Variants in SLC45A4 observed in about 807,000 individuals in gnomAD.
SLC45A4 encodes solute carrier family 45 member 4.
In SLC45A4, 32 loss-of-function variants were observed where a neutral mutation model predicts 63.7. The observed-to-expected ratio is 0.50, with a 90% CI of 0.38 to 0.67. The LOEUF (loss-of-function observed/expected upper bound fraction) is 0.67. SLC45A4 is among the 30% of genes least tolerant of loss of function. The pLI is 0.00. For missense variants in SLC45A4, 1,027 were observed against 1,157.7 expected, an observed-to-expected ratio of 0.89 and a Z score of 1.64; for synonymous variants, 535 against 510.0, an observed-to-expected ratio of 1.05 and a Z score of -0.66.
intron 1 of SLC45A4, among the ~76,000 whole-genome samples, chr8:141,260,842 A>G (rs1304963454): frequency 6.6e-6 from 1 of 152,244 alleles, no homozygotes; most frequent in Non-Finnish European, 1.5e-5. Flanking sequence ...TCCAATCAAT[A>G]GAAAAAGAGG....
chr8:141,277,541 A>G (rs1224701007), intron 1 of SLC45A4, among the ~76,000 whole-genome samples: 1 of 152,138 alleles, frequency 6.6e-6, no homozygotes, highest in Non-Finnish European at 1.5e-5. Context: ...TAAAATCAAC[A>G]TGATTCACGT....
intron 2 of SLC45A4, among the ~76,000 whole-genome samples, chr8:141,232,316 CA>C (rs1317105819): frequency 6.6e-6 from 1 of 152,226 alleles, no homozygotes; most frequent in African/African-American, 2.4e-5. Flanking sequence ...AAGATGACAG[CA>C]AATGTCCCCT....
At chr8:141,214,508 A>T (rs1826021007) in intron 7 of SLC45A4, among the ~76,000 whole-genome samples, 1 of 152,232 alleles carries the variant, frequency 6.6e-6, no homozygotes, top group South Asian at 2.1e-4. Flanking sequence ...AGGGATAGGA[A>T]GTTCCATACT....
In SLC45A4 at chr8:141,229,037, C is replaced by A. The variant is rs1827196644; in HGVS notation, c.242-7272G>T. ...CCGTACACTTGTCTCCCCATCGGCT[C>A]CTCCCGCCCATGGGACCTTCGAAGA... On this transcript the variant is annotated intron_variant, in intron 2 of 8. Transcript: ENST00000517878. This position sits in a 1 kb window ranked among gnomAD's most constrained non-coding sequence, Gnocchi z 5.0. Among the ~76,000 whole-genome samples, 1 of 152,166 alleles carries A rather than the reference C, an allele frequency of 6.6e-6. No individual in the cohort carries two copies. Among genetic ancestry groups the A allele is most frequent in the Admixed American group, 6.5e-5 (1 of 15,284 alleles).
chr8:141,251,005 GA>G (rs988911367), intron 2 of SLC45A4, among the ~76,000 whole-genome samples: 1 of 152,186 alleles, frequency 6.6e-6, no homozygotes, highest in African/African-American at 2.4e-5. Flanking sequence ...CTGCCATAGA[GA>G]AAATTAGGGA....
chr8:141,230,849 T>C (rs566179868), intron 2 of SLC45A4, among the ~76,000 whole-genome samples: 2 of 152,218 alleles, frequency 1.3e-5, no homozygotes, highest in African/African-American at 2.4e-5. Context: ...GCCAGCCAAA[T>C]TGGGAACGTG....
chr8:141,254,123 C>CA lies in SLC45A4; in HGVS notation c.106dup (p.Cys36LeufsTer75). On this transcript the variant is annotated frameshift_variant, in exon 2 of 9. Coordinates refer to ENST00000517878, the MANE Select transcript of SLC45A4 (RefSeq NM_001286646.2). LOFTEE classifies it high-confidence loss of function. The surrounding 1 kb of genome is among the most constrained non-coding windows in gnomAD (Gnocchi z 4.5). ...TATGGACCCCTCGCTGATGGTCTCG[C>CA]AGTTCTCGGCCTCTGCGCCTCCGGC... 1 of 1,536,208 alleles carries CA rather than the reference C, an allele frequency of 6.5e-7. No homozygotes were observed. The highest frequency in any genetic ancestry group is 8.7e-7 in the Non-Finnish European group (1 of 1,146,926).
At chr8:141,302,863 C>T (rs1338390688) in intron 1 of SLC45A4, among the ~76,000 whole-genome samples, 1 of 152,150 alleles carries the variant, frequency 6.6e-6, no homozygotes, top group African/African-American at 2.4e-5. Flanking sequence ...ATATTCCCTT[C>T]CCATATACAC....
At chr8:141,213,742 G>A (rs142678165) in intron 7 of SLC45A4, among the ~76,000 whole-genome samples, 1,807 of 152,334 alleles carry the variant, frequency 0.012, 22 homozygotes, top group Non-Finnish European at 0.021. Context: ...GACGCCGAAA[G>A]TTCTTTGAAA....
intron 2 of SLC45A4, among the ~76,000 whole-genome samples, chr8:141,246,890 G>A (rs1321073219): frequency 2.0e-5 from 3 of 152,210 alleles, no homozygotes; most frequent in Non-Finnish European, 4.4e-5. Flanking sequence ...TGAGGCAGGA[G>A]GATTGCTTGA....
chr8:141,268,606 C>T (rs955422741), intron 1 of SLC45A4, among the ~76,000 whole-genome samples: 39 of 152,172 alleles, frequency 2.6e-4, no homozygotes, highest in African/African-American at 9.4e-4. Flanking sequence ...TAAAACTGCT[C>T]TAGAAAGTAG....
chr8:141,234,105 G>A (rs1827500136), intron 2 of SLC45A4, among the ~76,000 whole-genome samples: 1 of 152,258 alleles, frequency 6.6e-6, no homozygotes, highest in South Asian at 2.1e-4. Flanking sequence ...CAACATCGGG[G>A]CCTGCATCGC....
In SLC45A4 at chr8:141,217,083, C is replaced by T; in HGVS notation, c.1729+7G>A. 1 of 1,613,738 alleles carries T rather than the reference C, an allele frequency of 6.2e-7. No homozygotes were observed. The highest frequency in any genetic ancestry group is 8.5e-7 in the Non-Finnish European group (1 of 1,179,918). ...GCGAGTGCTGACCTGACTTGGGGAG[C>T]TCTTACCTGAACAAATAGCACCAGT... is the stretch of plus-strand genomic sequence containing the variant. On this transcript the variant is annotated splice_region_variant and intron_variant, in intron 6 of 8. Transcript: ENST00000517878.
At chr8:141,237,081 T>A (rs1001216957) in intron 2 of SLC45A4, among the ~76,000 whole-genome samples, 1 of 152,264 alleles carries the variant, frequency 6.6e-6, no homozygotes, top group Non-Finnish European at 1.5e-5. Flanking sequence ...GTTCATGTTC[T>A]AAGATTTTGA....
At chr8:141,259,788 A>G (rs958141093) in intron 1 of SLC45A4, among the ~76,000 whole-genome samples, 1 of 152,226 alleles carries the variant, frequency 6.6e-6, no homozygotes, top group South Asian at 2.1e-4. Flanking sequence ...GGCAACGTCC[A>G]TGCTTCTTGA....
Position 141,218,909 on chromosome 8 carries a change from A to G in SLC45A4, c.731T>C (p.Val244Ala). Residue 244 changes from valine (V) to alanine (A), a missense_variant, in exon 5 of 9, where the codon GTG becomes GCG. Val to Ala is a moderately conservative substitution (Grantham distance 64). Coordinates refer to ENST00000517878, the MANE Select transcript of SLC45A4 (RefSeq NM_001286646.2). The stretch of plus-strand genomic sequence containing the variant: ...GCTGAACAGGTGCAGGGCCACGGAC[A>G]CCGTGAAGATGATGGCGGCAAAGAA... ...LFFFAAIIFT[V>A]SVALHLFSID... 1 of 1,613,746 alleles carries G rather than the reference A, an allele frequency of 6.2e-7. No individual in the cohort carries two copies. The highest frequency in any genetic ancestry group is 8.5e-7 in the Non-Finnish European group (1 of 1,179,938).
In SLC45A4 at chr8:141,253,174, T is replaced by G. The variant is rs35014769; in HGVS notation, c.241+815A>C. ...AAGTCTATGAATTTCCGTGTTTTCA[T>G]GCCCACCTGCGGGTCTGTGAATTTC... On this transcript the variant is annotated intron_variant, in intron 2 of 8. Transcript: ENST00000517878. The G allele has an allele frequency of 6.0e-5, 6 of 99,360 alleles. 1 individual carries two copies. Among genetic ancestry groups the G allele is most frequent in the African/African-American group, 1.9e-4 (6 of 31,058 alleles). The allele number at this position is 99,360 out of a possible 1,614,324, so 6.2% of individuals were successfully genotyped here. A position where few individuals can be genotyped will look rare whatever the true frequency, so the allele number is the denominator to read the frequency against.
rs576298478 is a variant in SLC45A4 at position 141,231,743 on chromosome 8, C to T, written c.242-9978G>A. Among the ~76,000 whole-genome samples, 13 of 152,360 alleles carry T rather than the reference C, an allele frequency of 8.5e-5. No homozygotes were observed. In the South Asian group the frequency reaches 2.5e-3, roughly 29 times the overall value. On this transcript the variant is annotated intron_variant, in intron 2 of 8. Transcript: ENST00000517878. ...CTGCCCAGCCCACTACATTGACAGG[C>T]ACAGTAGGAAACACTCTTGCCACAC...
chr8:141,253,931 C>A, intron 2 of SLC45A4, 58 bp downstream of exon 2: 10 of 1,524,654 alleles, frequency 6.6e-6, no homozygotes, highest in Non-Finnish European at 8.8e-6. Context: ...CAGAGCCACG[C>A]CCAGTCCGCT....
Sources: gnomAD v4.1 joint callset for allele counts (sites outside exome capture counted in the v4.1 genomes callset) on GRCh38, gnomAD v4.1.1 for gene constraint, Gnocchi (gnomAD v3.1) non-coding constraint, MANE v1.5 for transcripts, NCBI Gene and HGNC (gene_info 2026-07-23, HGNC 2026-07-21) for gene names.